The following MMACHC variants were observed in gnomAD, a reference collection of about 807,000 sequenced individuals.
MMACHC encodes the protein cyanocobalamin reductase / alkylcobalamin dealkylase.
A neutral mutation model predicts 17.6 loss-of-function variants in MMACHC; 14 were observed. That is an observed-to-expected ratio of 0.80 (90% CI 0.53 to 1.25). The LOEUF (loss-of-function observed/expected upper bound fraction) is 1.25. Among genes scored for constraint, MMACHC ranks in the 50% most tolerant of loss-of-function variants. The pLI, the probability that MMACHC is intolerant of heterozygous loss-of-function variation, is 0.00. For synonymous variants in MMACHC, 151 were observed against 142.1 expected (o/e 1.06, Z -0.45); for missense variants, 392 against 364.5 (o/e 1.08, Z -0.62).
rs370862659 is a variant in MMACHC, at chr1:45,500,330, G to C, written c.-3G>C. The C allele has an allele frequency of 3.7e-6, 6 of 1,613,930 alleles. No homozygotes were observed. The African/African-American group carries it at 5.3e-5, about 14-fold the overall frequency. ...CCAGCAAGCTCAGCGTGTAACGTGCGCTATGGAGCCGAAAGTCGCAGAGCT... is the reference window on the plus strand; with the variant it reads ...CCAGCAAGCTCAGCGTGTAACGTGCCCTATGGAGCCGAAAGTCGCAGAGCT... On this transcript the variant is annotated 5_prime_UTR_variant, in exon 1 of 4. Transcript: ENST00000401061.
rs370894464 is a variant in MMACHC, at chr1:45,507,558, A to G, written c.276+8A>G. On this transcript the variant is annotated splice_region_variant and intron_variant, in intron 2 of 3. Transcript: ENST00000401061. The stretch of plus-strand genomic sequence containing the variant: ...CTGGGCCGTGTTAGAGAGGTGAGGA[A>G]GGCTCAGTTTTCCCCCAGCTCCCAA... The G allele has an allele frequency of 1.9e-6, 3 of 1,614,150 alleles. No homozygotes were observed. The highest frequency in any genetic ancestry group is 1.7e-6 in the Non-Finnish European group (2 of 1,180,000).
intron 1 of MMACHC, among the ~76,000 whole-genome samples, chr1:45,505,160 A>G (rs115377341): frequency 0.083 from 12,377 of 148,276 alleles, 717 homozygotes; most frequent in Middle Eastern, 0.18. Context: ...TTTTAAAGAC[A>G]GGTTCTCGCC....
intron 3 of MMACHC, 87 bp downstream of exon 3, chr1:45,508,451 T>C: frequency 1.4e-6 from 2 of 1,474,270 alleles, no homozygotes; most frequent in South Asian, 1.2e-5. Flanking sequence ...CTTCCCTGGA[T>C]GGATGTGACA....
In MMACHC at chr1:45,511,256, GA is replaced by G. The variant is rs878921294; in HGVS notation, c.*2051del. 4.2e-3 allele frequency: 4,854 copies of G among 1,163,454 alleles called. No homozygotes were observed. Among genetic ancestry groups the G allele is most frequent in the South Asian group, 6.8e-3 (423 of 62,540 alleles). 72.1% of individuals were successfully genotyped at this position (1,163,454 alleles called of 1,614,324 possible). A position where few individuals can be genotyped will look rare whatever the true frequency, so the allele number is the denominator to read the frequency against. Reference sequence around the variant, plus strand: ...TCTGAAGTCTTGTGTTTTACTAATGGAAAAAAAAAATACAGAAGAGGTTTTG... The same window carrying G: ...TCTGAAGTCTTGTGTTTTACTAATGGAAAAAAAAATACAGAAGAGGTTTTG... On this transcript the variant is annotated 3_prime_UTR_variant, in exon 4 of 4. Transcript: ENST00000401061.
chr1:45,508,762 T>G (rs1643675803), intron 3 of MMACHC, 34 bp from the exon 4 acceptor site: 3 of 1,603,980 alleles, frequency 1.9e-6, no homozygotes, highest in Non-Finnish European at 2.6e-6. Context: ...CAAGGGGACC[T>G]CCATGACCTT....
rs933920882 is a variant in MMACHC at position 45,508,278 on chromosome 1, A to G, written c.343A>G (p.Ile115Val). The G allele has an allele frequency of 3.7e-6, 6 of 1,614,162 alleles. No individual in the cohort carries two copies. In the Admixed American group the frequency reaches 8.3e-5, roughly 22 times the overall value. ...GGTGCACCCCAACCGACGCCCCAAG[A>G]TCCTGGCCCAGACAGCAGCCCATGT... ...YEVHPNRRPK[I>V]LAQTAAHVAG... The change falls in exon 3 of 4, where the codon ATC becomes GTC. Residue 115 changes from isoleucine to valine, a missense_variant. Ile to Val is a conservative substitution (Grantham distance 29). Transcript: ENST00000401061.
rs1036997117 is a variant in MMACHC at position 45,512,629 on chromosome 1, C to G, written c.*3414C>G. 1 of 151,924 alleles carries G rather than the reference C, an allele frequency of 6.6e-6. No homozygotes were observed. The highest frequency in any genetic ancestry group is 6.5e-5 in the Admixed American group (1 of 15,270). The allele number at this position is 151,924 out of a possible 1,614,324, so 9.4% of individuals were successfully genotyped here. On this transcript the variant is annotated 3_prime_UTR_variant, in exon 4 of 4. Coordinates refer to ENST00000401061, the MANE Select transcript of MMACHC (RefSeq NM_015506.3). ...TGGGATGGGAAGCAGCAGAGACCAACAGAGTCTGAAGAAGCAAGCTTCTGA... is the reference window on the plus strand; with the variant it reads ...TGGGATGGGAAGCAGCAGAGACCAAGAGAGTCTGAAGAAGCAAGCTTCTGA...
intron 1 of MMACHC, among the ~76,000 whole-genome samples, chr1:45,505,812 G>T (rs1643611666): frequency 6.6e-6 from 1 of 150,756 alleles, no homozygotes; most frequent in African/African-American, 2.4e-5. Flanking sequence ...TGAGGCAGGG[G>T]AATCACTTGA....
At chr1:45,508,435 C>T in intron 3 of MMACHC, 71 bp downstream of exon 3, 1 of 1,549,502 alleles carries the variant, frequency 6.5e-7, no homozygotes, top group Admixed American at 1.8e-5. Context: ...TCCCACATTC[C>T]TCAGCCTTCC....
Position 45,508,340 on chromosome 1 carries a change from G to A in MMACHC, c.405G>A (p.Val135=). The A allele has an allele frequency of 1.9e-6, 3 of 1,614,202 alleles. No homozygotes were observed. The highest frequency in any genetic ancestry group is 1.1e-5 in the South Asian group (1 of 91,082). ...GAAYYYQRQD[V]EADPWGNQRI... ...CTTACTACTACCAACGACAAGATGT[G>A]GAGGCTGACCCATGGGGGAACCAGG... Residue 135 remains valine, a synonymous_variant, in exon 3 of 4, where the codon GTG becomes GTA. Transcript: ENST00000401061.
Position 45,509,109 on chromosome 1 carries a change from C to T in MMACHC, c.743C>T (p.Pro248Leu), listed in dbSNP as rs564280688. Reference sequence around the variant, plus strand: ...TCAGAGAAGCCTAGTTCTCCCTCCCCGGACCTTCCCTTTACCACACCCGCC... The same window carrying T: ...TCAGAGAAGCCTAGTTCTCCCTCCCTGGACCTTCCCTTTACCACACCCGCC... ...QPSEKPSSPS[P>L]DLPFTTPAPK... The change falls in exon 4 of 4, where the codon CCG (proline) becomes CTG (leucine). Residue 248 changes from proline (P) to leucine (L), a missense_variant. Coordinates refer to ENST00000401061, the MANE Select transcript of MMACHC (RefSeq NM_015506.3). 31 of 1,612,276 alleles carry T rather than the reference C, an allele frequency of 1.9e-5. No individual in the cohort carries two copies. Among genetic ancestry groups the T allele is most frequent in the Middle Eastern group, 1.6e-4 (1 of 6,074 alleles).
rs1643680940 is a variant in MMACHC, at chr1:45,508,941, T to C, written c.575T>C (p.Leu192Pro). The C allele has an allele frequency of 1.2e-6, 2 of 1,614,186 alleles. No homozygotes were observed. The highest frequency in any genetic ancestry group is 2.2e-5 in the East Asian group (1 of 44,884). The change falls in exon 4 of 4, where the codon CTA becomes CCA. Residue 192 changes from leucine (L) to proline (P), a missense_variant. Transcript: ENST00000401061. ...CVPTRADRIA[L>P]LEGFNFHWRD... Reference sequence around the variant, plus strand: ...CCTACAAGAGCTGACCGTATCGCCCTACTCGAAGGCTTCAATTTCCACTGG... The same window carrying C: ...CCTACAAGAGCTGACCGTATCGCCCCACTCGAAGGCTTCAATTTCCACTGG...
intron 1 of MMACHC, among the ~76,000 whole-genome samples, chr1:45,505,475 A>G (rs919976425): frequency 2.0e-5 from 3 of 151,830 alleles, no homozygotes; most frequent in African/African-American, 7.3e-5. Context: ...AAATAAAAAA[A>G]CAAAGACAGG....
chr1:45,506,323 G>T (rs979298498), intron 1 of MMACHC, among the ~76,000 whole-genome samples: 1 of 152,074 alleles, frequency 6.6e-6, no homozygotes, highest in East Asian at 1.9e-4. Context: ...AGAAATCTCC[G>T]ATCTTGTTTT....
chr1:45,507,472 C>G lies in MMACHC; in HGVS notation c.198C>G (p.Phe66Leu). The G allele has an allele frequency of 6.2e-7, 1 of 1,614,190 alleles. No individual in the cohort carries two copies. The highest frequency in any genetic ancestry group is 8.5e-7 in the Non-Finnish European group (1 of 1,180,036). ...TGTTTGACCGGGCCCTCAAGCCCTTCTTGCAGAGCTGCCACCTCCGAATGC... is the reference window on the plus strand; with the variant it reads ...TGTTTGACCGGGCCCTCAAGCCCTTGTTGCAGAGCTGCCACCTCCGAATGC... ...PAMFDRALKPFLQSCHLRMLT... is the reference protein window; with the variant it reads ...PAMFDRALKPLLQSCHLRMLT... The change falls in exon 2 of 4, where the codon TTC (phenylalanine) becomes TTG (leucine). Residue 66 changes from phenylalanine to leucine, a missense_variant. Coordinates refer to ENST00000401061, the MANE Select transcript of MMACHC (RefSeq NM_015506.3).
intron 2 of MMACHC, among the ~76,000 whole-genome samples, chr1:45,507,852 A>G (rs1263464198): frequency 2.6e-5 from 4 of 152,298 alleles, no homozygotes; most frequent in African/African-American, 7.2e-5. Flanking sequence ...AATGAGTCCA[A>G]CATTCCCCAG....
At chr1:45,506,117 G>C (rs758209101) in intron 1 of MMACHC, among the ~76,000 whole-genome samples, 3 of 152,178 alleles carry the variant, frequency 2.0e-5, no homozygotes, top group African/African-American at 4.8e-5. Flanking sequence ...AAAGGATAAA[G>C]AAGTGCTGGT....
rs770446383 is a variant in MMACHC, at chr1:45,500,365, G to T, written c.33G>T (p.Lys11Asn). 17 of 1,614,184 alleles carry T rather than the reference G, an allele frequency of 1.1e-5. No individual in the cohort carries two copies. The highest frequency in any genetic ancestry group is 1.3e-5 in the Non-Finnish European group (15 of 1,180,036). Residue 11 changes from lysine (K) to asparagine (N), a missense_variant, in exon 1 of 4, where the codon AAG (lysine) becomes AAT (asparagine). By Grantham distance (94) the Lys-to-Asn change is moderately conservative. Coordinates refer to ENST00000401061, the MANE Select transcript of MMACHC (RefSeq NM_015506.3). ...CGAAAGTCGCAGAGCTGAAGCAGAA[G>T]ATCGAGGACACGCTATGTCCTTTTG... MEPKVAELKQ[K>N]IEDTLCPFGF... is the part of the protein sequence containing the mutation.
At chr1:45,505,758 C>T (rs931907402) in intron 1 of MMACHC, among the ~76,000 whole-genome samples, 2 of 151,856 alleles carry the variant, frequency 1.3e-5, no homozygotes, top group South Asian at 2.1e-4. Flanking sequence ...AAAAATTAGC[C>T]GGGCGTGGTG....
Sources: gnomAD v4.1 joint callset for allele counts (sites outside exome capture counted in the v4.1 genomes callset) on GRCh38, gnomAD v4.1.1 for gene constraint, MANE v1.5 for transcripts, NCBI Gene and HGNC (gene_info 2026-07-23, HGNC 2026-07-21) for gene names.